NOL10: variants seen among roughly 807,000 people sequenced by gnomAD.
The protein encoded by NOL10 is nucleolar protein 10, also known as H_NH0074G24.1.
A neutral mutation model predicts 103.5 loss-of-function variants in NOL10; 58 were observed. The ratio of observed to expected loss-of-function variants is 0.56; its 90% confidence interval spans 0.45 to 0.70. NOL10 has a LOEUF of 0.70. Ranked by LOEUF, NOL10 falls within the 30% of genes least tolerant of loss-of-function variation. NOL10 has a pLI of 0.00. For synonymous variants in NOL10, 287 were observed against 282.5 expected (o/e 1.02, Z -0.16); for missense variants, 763 against 807.3 (o/e 0.95, Z 0.67).
chr2:10,600,052 A>C (rs184004545), intron 17 of NOL10, among the ~76,000 whole-genome samples: 1 of 152,266 alleles, frequency 6.6e-6, no homozygotes, highest in East Asian at 1.9e-4. Flanking sequence ...AGCTGGCCCA[A>C]AACTACAAGG....
intron 13 of NOL10, among the ~76,000 whole-genome samples, chr2:10,631,486 T>A (rs910616492): frequency 6.6e-6 from 1 of 151,598 alleles, no homozygotes; most frequent in Non-Finnish European, 1.5e-5. Context: ...CCTTTTGGAT[T>A]TTTATAGGAA....
chr2:10,605,261 A>C (rs1221084680), intron 14 of NOL10, among the ~76,000 whole-genome samples: 1 of 152,196 alleles, frequency 6.6e-6, no homozygotes, highest in Non-Finnish European at 1.5e-5. Flanking sequence ...CAAAGAACGC[A>C]CTGTGGGAAA....
intron 11 of NOL10, among the ~76,000 whole-genome samples, chr2:10,656,223 T>C (rs1227116591): frequency 1.3e-5 from 2 of 152,230 alleles, no homozygotes; most frequent in East Asian, 1.9e-4. Flanking sequence ...AAAATAAATA[T>C]TGTTTTAACA....
Position 10,662,946 on chromosome 2 carries a change from A to C in NOL10, c.677+13T>G, listed in dbSNP as rs750254630. 3 of 1,597,216 alleles carry C rather than the reference A, an allele frequency of 1.9e-6. No homozygotes were observed. The Admixed American group carries it at 5.0e-5, about 27-fold the overall frequency. Reference sequence around the variant, plus strand: ...TTGATGAACATTTACATTGCAAATTAATTTCTACTTACTCTGAATCTGCTG... The same window carrying C: ...TTGATGAACATTTACATTGCAAATTCATTTCTACTTACTCTGAATCTGCTG... On this transcript the variant is annotated intron_variant, in intron 9 of 20. Coordinates refer to ENST00000381685, the MANE Select transcript of NOL10 (RefSeq NM_024894.4).
intron 12 of NOL10, among the ~76,000 whole-genome samples, chr2:10,649,869 C>G (rs1280409533): frequency 1.3e-5 from 2 of 152,116 alleles, no homozygotes; most frequent in Non-Finnish European, 2.9e-5. Flanking sequence ...ACACTGAAAT[C>G]TGAATTTCAG....
intron 20 of NOL10, among the ~76,000 whole-genome samples, chr2:10,574,480 T>C (rs1198687288): frequency 6.6e-6 from 1 of 152,098 alleles, no homozygotes; most frequent in African/African-American, 2.4e-5. Context: ...ACCGTGTCTC[T>C]ACTAAAAATA....
chr2:10,637,198 A>AAAAC (rs1678305195), intron 13 of NOL10, among the ~76,000 whole-genome samples: 1 of 150,194 alleles, frequency 6.7e-6, no homozygotes, highest in Non-Finnish European at 1.5e-5. Context: ...CAAAAAAAAA[A>AAAAC]AAAAAAAAAA....
Position 10,689,961 on chromosome 2 carries a change from C to G in NOL10, c.-100G>C. 9.1e-7 allele frequency: 1 copy of G among 1,104,306 alleles called. No individual in the cohort carries two copies. The highest frequency in any genetic ancestry group is 1.3e-6 in the Non-Finnish European group (1 of 761,108). 68.4% of individuals were successfully genotyped at this position (1,104,306 alleles called of 1,614,324 possible). A position where few individuals can be genotyped will look rare whatever the true frequency, so the allele number is the denominator to read the frequency against. On this transcript the variant is annotated 5_prime_UTR_variant, in exon 1 of 21. Transcript: ENST00000381685. ...CGAGCCCCTGCTCCGCGGCGTGCGG[C>G]CGCTGGCGCCGACTGATGACGCACT...
At chr2:10,637,017 C>T (rs957329622) in intron 13 of NOL10, among the ~76,000 whole-genome samples, 10 of 151,956 alleles carry the variant, frequency 6.6e-5, no homozygotes, top group African/African-American at 2.4e-4. Context: ...GCCTGGCCAA[C>T]ACAGCAAAAC....
intron 3 of NOL10, 97 bp from the exon 4 acceptor site, chr2:10,675,968 G>T: frequency 3.5e-6 from 2 of 565,882 alleles, no homozygotes; most frequent in Non-Finnish European, 6.0e-6. Flanking sequence ...AGACAGGCAG[G>T]ATTAATTGTA....
At chr2:10,590,775 T>C (rs752103453) in intron 17 of NOL10, 12 of 152,260 alleles carry the variant, frequency 7.9e-5, no homozygotes, top group Non-Finnish European at 1.3e-4. Context: ...TACTGTAAAC[T>C]TACCTGTTCA....
At chr2:10,609,468 C>A (rs577734213) in intron 13 of NOL10, among the ~76,000 whole-genome samples, 75 of 147,616 alleles carry the variant, frequency 5.1e-4, no homozygotes, top group Non-Finnish European at 2.5e-4. Flanking sequence ...GGCGCGGTGG[C>A]GGATGCCTGT....
chr2:10,582,608 T>C (rs1674819916), intron 19 of NOL10, among the ~76,000 whole-genome samples: 1 of 152,202 alleles, frequency 6.6e-6, no homozygotes, highest in African/African-American at 2.4e-5. Flanking sequence ...CCAATCTTTC[T>C]ACCTCTAACC....
At chr2:10,593,568 G>A (rs895187613) in intron 17 of NOL10, among the ~76,000 whole-genome samples, 2 of 152,116 alleles carry the variant, frequency 1.3e-5, no homozygotes, top group Admixed American at 1.3e-4. Flanking sequence ...AACAGAAAAG[G>A]AGCTTTATAA....
At chr2:10,627,925 A>C (rs1677583658) in intron 13 of NOL10, among the ~76,000 whole-genome samples, 1 of 152,122 alleles carries the variant, frequency 6.6e-6, no homozygotes, top group Non-Finnish European at 1.5e-5. Flanking sequence ...AATAATAAAA[A>C]ATTAAAAATA....
At chr2:10,578,408 C>G (rs10175884) in intron 19 of NOL10, among the ~76,000 whole-genome samples, 4 of 151,998 alleles carry the variant, frequency 2.6e-5, no homozygotes, top group Non-Finnish European at 4.4e-5. Flanking sequence ...TCTCCAGGTA[C>G]CTTTCCTTTT....
intron 14 of NOL10, among the ~76,000 whole-genome samples, chr2:10,606,296 A>T (rs1465540384): frequency 6.6e-6 from 1 of 151,622 alleles, no homozygotes; most frequent in African/African-American, 2.4e-5. Context: ...TAGGGATGTG[A>T]AGATTAAATG....
chr2:10,591,628 G>T (rs1675395663), intron 17 of NOL10, among the ~76,000 whole-genome samples: 1 of 152,070 alleles, frequency 6.6e-6, no homozygotes, highest in Non-Finnish European at 1.5e-5. Context: ...AAGAGAAAAA[G>T]GAAGAGAAAC....
rs142400788 is a variant in NOL10, at chr2:10,655,709, A to G, written c.907-1162T>C. ...AAAATGCCAAAATAAAATTTACTGT[A>G]GCAATTACAGTGTGATGATTTCAAG... On this transcript the variant is annotated intron_variant, in intron 11 of 20. Transcript: ENST00000381685. Among the ~76,000 whole-genome samples the G allele has an allele frequency of 3.3e-5, 5 of 152,352 alleles. No homozygotes were observed. The East Asian group carries it at 9.6e-4, about 29-fold the overall frequency.
Sources: allele counts gnomAD v4.1 joint callset (sites outside exome capture counted in the v4.1 genomes callset), GRCh38; gene constraint gnomAD v4.1.1; transcripts MANE v1.5; gene names NCBI Gene and HGNC (gene_info 2026-07-23, HGNC 2026-07-21).